Variants in ZNF329 observed in about 807,000 individuals in gnomAD.
ZNF329 encodes the protein zinc finger protein 329.
In ZNF329, 15 loss-of-function variants were observed where a neutral mutation model predicts 26.6. The observed-to-expected ratio is 0.56, with a 90% CI of 0.38 to 0.87. ZNF329 has a LOEUF of 0.87. ZNF329 is among the 40% of genes least tolerant of loss of function. ZNF329 has a pLI of 0.00. For missense variants in ZNF329, 651 were observed against 651.9 expected (o/e 1.00, Z 0.02); for synonymous variants, 239 against 233.5 (o/e 1.02, Z -0.21).
At chr19:58,154,004 T>G (rs908894090), upstream of ZNF329, among the ~76,000 whole-genome samples, 2 of 123,230 alleles carry the variant, frequency 1.6e-5, no homozygotes, top group Middle Eastern at 4.5e-3. Flanking sequence ...CCAACATATG[T>G]GATTTTTTTT....
upstream of ZNF329, among the ~76,000 whole-genome samples, chr19:58,153,000 A>G (rs2075485413): frequency 6.6e-6 from 1 of 152,256 alleles, no homozygotes; most frequent in Non-Finnish European, 1.5e-5. Context: ...TAATCTAGTA[A>G]TAAAGTTAAC....
At chr19:58,135,949 A>G (rs970186726) in intron 3 of ZNF329, among the ~76,000 whole-genome samples, 29 of 152,264 alleles carry the variant, frequency 1.9e-4, no homozygotes, top group Admixed American at 9.2e-4. Context: ...CACCTAGAAC[A>G]GGCCACGCAC....
intron 1 of ZNF329, among the ~76,000 whole-genome samples, chr19:58,144,016 G>A (rs926475940): frequency 1.3e-5 from 2 of 151,774 alleles, no homozygotes; most frequent in African/African-American, 4.8e-5. Flanking sequence ...GGGAGGCAGA[G>A]GTTGCAGTGA....
In ZNF329 at chr19:58,128,445, C is replaced by G; in HGVS notation, c.1059G>C (p.Arg353=). ...YECSKCGKAF[R]DGSYLTQHER... ...CATGCTGGGTGAGGTACGAGCCGTC[C>G]CGGAAAGCCTTTCCACATTTGCTAC... The change falls in exon 4 of 4, where the codon CGG becomes CGC. Residue 353 remains arginine (R), a synonymous_variant. Transcript: ENST00000598312. 5 of 1,613,362 alleles carry G rather than the reference C, an allele frequency of 3.1e-6. No homozygotes were observed. The highest frequency in any genetic ancestry group is 4.2e-6 in the Non-Finnish European group (5 of 1,179,558).
upstream of ZNF329, among the ~76,000 whole-genome samples, chr19:58,150,988 A>C (rs141026920): frequency 1.1e-3 from 174 of 152,372 alleles, 3 homozygotes; most frequent in East Asian, 0.03. Flanking sequence ...TTTGTTATAG[A>C]GCCTTCCTTT....
At chr19:58,151,115 G>C (rs1367161516), upstream of ZNF329, among the ~76,000 whole-genome samples, 1 of 152,124 alleles carries the variant, frequency 6.6e-6, no homozygotes, top group East Asian at 1.9e-4. Context: ...TTATTTACTG[G>C]GTGCGTGGCT....
At chr19:58,140,287 T>C (rs1417670504) in intron 3 of ZNF329, among the ~76,000 whole-genome samples, 3 of 152,186 alleles carry the variant, frequency 2.0e-5, no homozygotes, top group African/African-American at 7.2e-5. Context: ...AAGAATTATA[T>C]GGATATTTAA....
intron 1 of ZNF329, among the ~76,000 whole-genome samples, chr19:58,145,314 CTTTTTTTTTTTT>C (rs71188087): frequency 4.0e-4 from 43 of 106,180 alleles, no homozygotes; most frequent in African/African-American, 1.4e-3. Context: ...TTTTTTCTTC[CTTTTTTTTTTTT>C]TTTTTTTTTT....
chr19:58,138,093 C>T (rs2075112049), intron 3 of ZNF329, among the ~76,000 whole-genome samples: 1 of 152,120 alleles, frequency 6.6e-6, no homozygotes, highest in Non-Finnish European at 1.5e-5. Context: ...TTGGATTTAT[C>T]CTAGGAATGT....
chr19:58,133,852 G>T (rs1203830379), intron 3 of ZNF329, among the ~76,000 whole-genome samples: 2 of 151,628 alleles, frequency 1.3e-5, no homozygotes, highest in Non-Finnish European at 2.9e-5. Context: ...AAAAACTGAT[G>T]AATGTATATT....
chr19:58,141,807 C>T (rs974679649), intron 3 of ZNF329, among the ~76,000 whole-genome samples: 2 of 151,814 alleles, frequency 1.3e-5, no homozygotes, highest in Non-Finnish European at 2.9e-5. Flanking sequence ...GCAGGAGAAT[C>T]GCTTGAACCC....
At chr19:58,147,887 G>A (rs1168679142) in intron 1 of ZNF329, among the ~76,000 whole-genome samples, 1 of 151,814 alleles carries the variant, frequency 6.6e-6, no homozygotes, top group African/African-American at 2.4e-5. Context: ...ACCCCGTCTG[G>A]GAGGTGTACC....
chr19:58,146,013 A>AG (rs1189084726), intron 1 of ZNF329, among the ~76,000 whole-genome samples: 3 of 152,050 alleles, frequency 2.0e-5, no homozygotes, highest in African/African-American at 7.2e-5. Flanking sequence ...AAAAAAAAAA[A>AG]AAGAAAGGAG....
intron 3 of ZNF329, among the ~76,000 whole-genome samples, chr19:58,133,810 G>A (rs1350271537): frequency 6.6e-6 from 1 of 151,622 alleles, no homozygotes; most frequent in African/African-American, 2.4e-5. Context: ...ACTAGTCTGG[G>A]CAACACAGTG....
At chr19:58,141,016 CCTGG>C (rs1196125960) in intron 3 of ZNF329, among the ~76,000 whole-genome samples, 1 of 150,978 alleles carries the variant, frequency 6.6e-6, no homozygotes, top group Non-Finnish European at 1.5e-5. Flanking sequence ...TGCCCCCATG[CCTGG>C]CTAATTTTTC....
At chr19:58,139,195 T>C (rs1484091367) in intron 3 of ZNF329, among the ~76,000 whole-genome samples, 1 of 151,868 alleles carries the variant, frequency 6.6e-6, no homozygotes, top group Non-Finnish European at 1.5e-5. Context: ...AACAGATACT[T>C]CCTTTGTTGA....
At chr19:58,144,862 T>C (rs1176018800) in intron 1 of ZNF329, among the ~76,000 whole-genome samples, 1 of 149,818 alleles carries the variant, frequency 6.7e-6, no homozygotes, top group African/African-American at 2.5e-5. Flanking sequence ...TTTTTTTTTT[T>C]TTTTTGATAC....
intron 3 of ZNF329, among the ~76,000 whole-genome samples, chr19:58,141,851 C>T (rs570201887): frequency 9.2e-5 from 14 of 151,686 alleles, no homozygotes; most frequent in African/African-American, 3.4e-4. Context: ...CGAGATCATG[C>T]CATTGCACTC....
chr19:58,144,206 G>T (rs943819079), intron 1 of ZNF329, among the ~76,000 whole-genome samples: 1 of 151,456 alleles, frequency 6.6e-6, no homozygotes, highest in East Asian at 1.9e-4. Context: ...ATGGAGTCTT[G>T]CTCTGTTGCC....
Sources: allele counts gnomAD v4.1 joint callset (sites outside exome capture counted in the v4.1 genomes callset), GRCh38; gene constraint gnomAD v4.1.1; transcripts MANE v1.5; gene names NCBI Gene and HGNC (gene_info 2026-07-23, HGNC 2026-07-21).